Variants in PPP6R2 observed in about 807,000 individuals in gnomAD.
PPP6R2 encodes the protein serine/threonine-protein phosphatase 6 regulatory subunit 2.
Under a neutral mutation model 100.2 loss-of-function variants are expected in PPP6R2, and 62 were observed. The ratio of observed to expected loss-of-function variants is 0.62; its 90% CI spans 0.50 to 0.76. The LOEUF is 0.76. Among genes scored for constraint, PPP6R2 ranks in the 30% least tolerant of loss-of-function variants. The pLI is 0.00. For missense variants in PPP6R2, 1,142 were observed against 1,276.3 expected (o/e 0.89, Z 1.60); for synonymous variants, 525 against 514.7 (o/e 1.02, Z -0.27).
intron 3 of PPP6R2, among the ~76,000 whole-genome samples, chr22:50,397,553 C>G (rs200713024): frequency 9.6e-5 from 13 of 135,956 alleles, no homozygotes; most frequent in Admixed American, 2.8e-4. Flanking sequence ...GGGCAGGGGG[C>G]CTGTCCTCAC....
At chr22:50,374,787 G>T (rs1295570191) in intron 2 of PPP6R2, among the ~76,000 whole-genome samples, 1 of 151,726 alleles carries the variant, frequency 6.6e-6, no homozygotes, top group Non-Finnish European at 1.5e-5. Context: ...GGTGGTGCGC[G>T]CCTGTATTCC....
At chr22:50,419,890 A>G (rs987576180) in intron 8 of PPP6R2, among the ~76,000 whole-genome samples, 3 of 152,126 alleles carry the variant, frequency 2.0e-5, no homozygotes, top group Non-Finnish European at 4.4e-5. Context: ...GGGGTGTGAC[A>G]CTCACCGCTG....
chr22:50,357,412 CTTCT>C (rs1168599145), intron 1 of PPP6R2, among the ~76,000 whole-genome samples: 1 of 151,636 alleles, frequency 6.6e-6, no homozygotes, highest in Non-Finnish European at 1.5e-5. Flanking sequence ...CTCCATCCCT[CTTCT>C]TTCTTTTCTT....
At position 50,394,010 on chromosome 22, in the gene PPP6R2, G is replaced by A; in HGVS notation, c.102G>A (p.Leu34=). 6.2e-7 allele frequency: 1 copy of A among 1,614,194 alleles called. No individual in the cohort carries two copies. Among genetic ancestry groups the A allele is most frequent in the Non-Finnish European group, 8.5e-7 (1 of 1,180,040 alleles). The change falls in exon 3 of 24, where the codon TTG becomes TTA. Residue 34 remains leucine (L), a synonymous_variant. Coordinates refer to ENST00000612753, the MANE Select transcript of PPP6R2 (RefSeq NM_001242898.2). ...AGTTAATGGATGAAGATGACATCTT[G>A]CAGGAGTGTAAGGCTCAGAACCAGA... is the stretch of plus-strand genomic sequence containing the variant. ...LQELMDEDDI[L]QECKAQNQKL... is the part of the protein sequence containing the mutation.
intron 3 of PPP6R2, among the ~76,000 whole-genome samples, chr22:50,401,342 A>T (rs1360081925): frequency 7.1e-6 from 1 of 141,288 alleles, no homozygotes; most frequent in African/African-American, 2.7e-5. Flanking sequence ...GTGTAGCTGG[A>T]ACTACAGACG....
chr22:50,422,269 G>A lies in PPP6R2; in HGVS notation c.861G>A (p.Val287=). Residue 287 remains valine, a synonymous_variant, in exon 9 of 24, where the codon GTG becomes GTA. Transcript: ENST00000612753. ...ETRRVGTEGL[V]DSFSQGLERS... ...TCATCCACAGGACAGAGGGCTTGGTGGACTCCTTTTCTCAGGGACTGGAAA... is the reference window on the plus strand; with the variant it reads ...TCATCCACAGGACAGAGGGCTTGGTAGACTCCTTTTCTCAGGGACTGGAAA... The A allele has an allele frequency of 1.2e-6, 2 of 1,614,032 alleles. No individual in the cohort carries two copies. Among genetic ancestry groups the A allele is most frequent in the Non-Finnish European group, 1.7e-6 (2 of 1,179,930 alleles).
At chr22:50,340,095 AGTATGTGTG>A (rs986239848), upstream of PPP6R2, among the ~76,000 whole-genome samples, 1 of 72,664 alleles carries the variant, frequency 1.4e-5, no homozygotes, top group Non-Finnish European at 2.7e-5. Context: ...TGTGGTATGT[AGTATGTGTG>A]GTATGTGGTG....
chr22:50,395,279 G>A (rs2056539255), intron 3 of PPP6R2, among the ~76,000 whole-genome samples: 1 of 152,226 alleles, frequency 6.6e-6, no homozygotes, highest in South Asian at 2.1e-4. Context: ...GATGCTAGGA[G>A]ATGACACAGA....
intron 1 of PPP6R2, among the ~76,000 whole-genome samples, chr22:50,357,185 A>G (rs1489138706): frequency 2.0e-5 from 3 of 152,126 alleles, no homozygotes; most frequent in Admixed American, 6.6e-5. Flanking sequence ...TGAAATATTA[A>G]TATCTATTCA....
intron 1 of PPP6R2, among the ~76,000 whole-genome samples, chr22:50,344,681 C>T (rs1291588854): frequency 1.8e-3 from 2 of 1,108 alleles, no homozygotes; most frequent in Non-Finnish European, 2.9e-3. Flanking sequence ...CCCCTCCAGT[C>T]AATTCCCCCT....
chr22:50,393,445 C>A, intron 2 of PPP6R2: 3 of 984,848 alleles, frequency 3.0e-6, no homozygotes, highest in Non-Finnish European at 3.6e-6. Flanking sequence ...ATCCCTGACA[C>A]ATGGGAGAGA....
chr22:50,436,262 C>A, intron 13 of PPP6R2, 105 bp from the exon 14 acceptor site: 2 of 959,606 alleles, frequency 2.1e-6, no homozygotes, highest in Non-Finnish European at 3.2e-6. Flanking sequence ...ACAGTAGCAG[C>A]GCCCCATCCT....
chr22:50,436,262 C>T (rs928090530), intron 13 of PPP6R2, 105 bp from the exon 14 acceptor site: 27 of 959,606 alleles, frequency 2.8e-5, no homozygotes, highest in African/African-American at 1.3e-4. Flanking sequence ...ACAGTAGCAG[C>T]GCCCCATCCT....
chr22:50,338,545 G>GTGTGTGA (rs2147822579), upstream of PPP6R2, among the ~76,000 whole-genome samples: 1 of 128,470 alleles, frequency 7.8e-6, no homozygotes, highest in Admixed American at 7.8e-5. Flanking sequence ...AGGGTGTGTG[G>GTGTGTGA]TGTGTGTGGT....
chr22:50,401,142 C>T (rs1456929508), intron 3 of PPP6R2, among the ~76,000 whole-genome samples: 1 of 152,158 alleles, frequency 6.6e-6, no homozygotes, highest in East Asian at 1.9e-4. Context: ...AAGTGATCCT[C>T]CCATCTCAGC....
chr22:50,379,199 A>T (rs963225478), intron 2 of PPP6R2, among the ~76,000 whole-genome samples: 1 of 152,100 alleles, frequency 6.6e-6, no homozygotes, highest in African/African-American at 2.4e-5. Flanking sequence ...ACTAAATACA[A>T]TTCTCAAGAA....
intron 2 of PPP6R2, chr22:50,393,566 G>GGTTA (rs1273520314): frequency 4.1e-6 from 4 of 981,588 alleles, no homozygotes; most frequent in Admixed American, 6.2e-5. Flanking sequence ...CAAAGGAGGG[G>GGTTA]GTTAGCCCAG....
At chr22:50,402,616 A>G (rs1317623783) in intron 3 of PPP6R2, among the ~76,000 whole-genome samples, 1 of 152,208 alleles carries the variant, frequency 6.6e-6, no homozygotes, top group South Asian at 2.1e-4. Flanking sequence ...CGGCTGCTTC[A>G]GTCCTCCAGG....
chr22:50,444,460 G>T lies in PPP6R2; in HGVS notation c.*213G>T. 1 of 498,604 alleles carries T rather than the reference G, an allele frequency of 2.0e-6. No homozygotes were observed. The highest frequency in any genetic ancestry group is 2.3e-5 in the South Asian group (1 of 43,874). The allele number at this position is 498,604 out of a possible 1,614,324, so 30.9% of individuals were successfully genotyped here. On this transcript the variant is annotated 3_prime_UTR_variant, in exon 24 of 24. Coordinates refer to ENST00000612753, the MANE Select transcript of PPP6R2 (RefSeq NM_001242898.2). Reference sequence around the variant, plus strand: ...TCAGGTCACTCGTGCCCTGCTGGAGGACAGAGGGGCACCTCAGCCGCCCCC... The same window carrying T: ...TCAGGTCACTCGTGCCCTGCTGGAGTACAGAGGGGCACCTCAGCCGCCCCC...
Sources: gnomAD v4.1 joint callset for allele counts (sites outside exome capture counted in the v4.1 genomes callset) on GRCh38, gnomAD v4.1.1 for gene constraint, MANE v1.5 for transcripts, NCBI Gene and HGNC (gene_info 2026-07-23, HGNC 2026-07-21) for gene names.